AKAP6: variants seen among roughly 807,000 people sequenced by gnomAD.
AKAP6 encodes A-kinase anchoring protein 6.
Under a neutral mutation model 188.5 loss-of-function variants are expected in AKAP6, and 58 were observed. The observed-to-expected ratio is 0.31, with a 90% CI of 0.25 to 0.38. The LOEUF (loss-of-function observed/expected upper bound fraction) is 0.38. Among genes scored for constraint, AKAP6 ranks in the 10% least tolerant of loss-of-function variants. AKAP6 has a pLI of 1.00. For synonymous variants in AKAP6, 989 were observed against 998.6 expected, an observed-to-expected ratio of 0.99 and a Z score of 0.18; for missense variants, 2,710 against 2,740.0, an observed-to-expected ratio of 0.99 and a Z score of 0.24.
In AKAP6 at chr14:32,546,155, C is replaced by T; in HGVS notation, c.1502C>T (p.Thr501Ile). 6.2e-7 allele frequency: 1 copy of T among 1,613,994 alleles called. No homozygotes were observed. Among genetic ancestry groups the T allele is most frequent in the Non-Finnish European group, 8.5e-7 (1 of 1,180,010 alleles). ...TCTCGACTTAAAAAGCCACACAAGA[C>T]CTCAGAAGAGGTGCCTCCATGCCGA... is the stretch of plus-strand genomic sequence containing the variant. ...EKSRLKKPHK[T>I]SEEVPPCRTP... Residue 501 changes from threonine (T) to isoleucine (I), a missense_variant, in exon 4 of 14, where the codon ACC becomes ATC. Physicochemically the swap from Thr to Ile is moderately conservative, Grantham distance 89. Around this residue, in one of 2 missense-constraint regions of AKAP6, gnomAD observed 2,473 missense variants for 2,426.1 expected, o/e 1.02. Transcript: ENST00000280979.
intron 7 of AKAP6, among the ~76,000 whole-genome samples, chr14:32,657,962 G>A (rs1455500665): frequency 1.3e-5 from 2 of 152,000 alleles, no homozygotes; most frequent in African/African-American, 2.4e-5. Context: ...GTTGGTGGTC[G>A]CACACATGGT....
At chr14:32,591,008 G>A (rs996666396) in intron 5 of AKAP6, among the ~76,000 whole-genome samples, 3 of 152,202 alleles carry the variant, frequency 2.0e-5, no homozygotes, top group Admixed American at 6.5e-5. Flanking sequence ...GTCCTTCAGG[G>A]ATTGTCCTAA....
chr14:32,482,814 G>A (rs4981972), intron 2 of AKAP6, among the ~76,000 whole-genome samples: 99,475 of 152,006 alleles, frequency 0.65, 33,628 homozygotes, highest in East Asian at 0.89. Flanking sequence ...GTTTTCTACC[G>A]TATGTAAAAA....
intron 4 of AKAP6, among the ~76,000 whole-genome samples, chr14:32,555,393 C>T (rs891776406): frequency 6.6e-6 from 1 of 152,100 alleles, no homozygotes; most frequent in African/African-American, 2.4e-5. Context: ...TCCTAGCATT[C>T]ATACTGATGA....
intron 1 of AKAP6, among the ~76,000 whole-genome samples, chr14:32,348,836 G>C (rs986543787): frequency 6.6e-6 from 1 of 152,158 alleles, no homozygotes; most frequent in African/African-American, 2.4e-5. Flanking sequence ...ATAACTCCCT[G>C]AGAGGTGCCA....
At chr14:32,513,618 T>A (rs1348892916) in intron 2 of AKAP6, among the ~76,000 whole-genome samples, 1 of 152,236 alleles carries the variant, frequency 6.6e-6, no homozygotes, top group Non-Finnish European at 1.5e-5. Flanking sequence ...ATTCCCTGAC[T>A]GTTGTTTTGC....
rs2034041781 is a variant in AKAP6, at chr14:32,804,660, T to C, written c.3589-16742T>C. On this transcript the variant is annotated intron_variant, in intron 12 of 13. Coordinates refer to ENST00000280979, the MANE Select transcript of AKAP6 (RefSeq NM_004274.5). ...AGAGTTCGAGAGCAGAGAACCGGTC[T>C]GACCACAAATTTACCAGGGTGGAGT... Among the ~76,000 whole-genome samples, 4 of 152,186 alleles carry C rather than the reference T, an allele frequency of 2.6e-5. No individual in the cohort carries two copies. The South Asian group carries it at 8.3e-4, about 32-fold the overall frequency.
chr14:32,675,362 T>G (rs550723857), intron 7 of AKAP6, among the ~76,000 whole-genome samples: 37 of 152,212 alleles, frequency 2.4e-4, no homozygotes, highest in Admixed American at 9.8e-4. Flanking sequence ...TAAATATTAT[T>G]TAATCATGCT....
At position 32,732,441 on chromosome 14, in the gene AKAP6, C is replaced by G. The variant is rs1357211194; in HGVS notation, c.3001-13C>G. The stretch of plus-strand genomic sequence containing the variant: ...TCTCCCTAATGATATCTCTTTTTCT[C>G]TTTTCATTTTAGCGATACAGTGTGG... On this transcript the variant is annotated splice_polypyrimidine_tract_variant and intron_variant, in intron 9 of 13. Transcript: ENST00000280979. 10 of 1,603,320 alleles carry G rather than the reference C, an allele frequency of 6.2e-6. No homozygotes were observed. The Middle Eastern group carries it at 1.3e-3, about 214-fold the overall frequency.
chr14:32,599,541 C>G, intron 6 of AKAP6, 35 bp downstream of exon 6: 1 of 1,521,284 alleles, frequency 6.6e-7, no homozygotes, highest in Non-Finnish European at 9.1e-7. Flanking sequence ...GTCTTTACGT[C>G]TCCAGACTAT....
intron 9 of AKAP6, chr14:32,726,234 G>C (rs987143499): frequency 1.0e-6 from 1 of 975,298 alleles, no homozygotes; most frequent in Non-Finnish European, 1.2e-6. Flanking sequence ...TAGAAGTGAG[G>C]GGAAAAAATA....
At chr14:32,359,273 A>G (rs931829930) in intron 1 of AKAP6, among the ~76,000 whole-genome samples, 18 of 152,114 alleles carry the variant, frequency 1.2e-4, no homozygotes, top group Non-Finnish European at 2.6e-4. Context: ...AAAAATGAAC[A>G]TTTTCCTGTT....
chr14:32,830,472 T>C lies in AKAP6; in HGVS notation c.*667T>C, dbSNP rs1341787531. On this transcript the variant is annotated 3_prime_UTR_variant, in exon 14 of 14. Coordinates refer to ENST00000280979, the MANE Select transcript of AKAP6 (RefSeq NM_004274.5). ...ATTATAAACTGGTGACATTCTACTA[T>C]TGAATTATGTACAACATTTTCATTT... 2 of 152,732 alleles carry C rather than the reference T, an allele frequency of 1.3e-5. No individual in the cohort carries two copies. Among genetic ancestry groups the C allele is most frequent in the African/African-American group, 2.4e-5 (1 of 41,458 alleles). The allele number at this position is 152,732 out of a possible 1,614,324, so 9.5% of individuals were successfully genotyped here.
intron 1 of AKAP6, among the ~76,000 whole-genome samples, chr14:32,341,819 G>A (rs566716761): frequency 6.6e-6 from 1 of 152,146 alleles, no homozygotes; most frequent in African/African-American, 2.4e-5. Context: ...ACAGGAGTTC[G>A]AGACCAGCCT....
At chr14:32,582,601 T>C (rs1048341839) in intron 5 of AKAP6, among the ~76,000 whole-genome samples, 1 of 152,224 alleles carries the variant, frequency 6.6e-6, no homozygotes, top group African/African-American at 2.4e-5. Context: ...CTTGGTTCCA[T>C]TCTCCCTGTC....
In AKAP6 at chr14:32,545,686, C is replaced by T; in HGVS notation, c.1033C>T (p.Gln345Ter). 6.2e-7 allele frequency: 1 copy of T among 1,614,152 alleles called. No individual in the cohort carries two copies. Among genetic ancestry groups the T allele is most frequent in the Non-Finnish European group, 8.5e-7 (1 of 1,180,012 alleles). Reference protein sequence around the residue: ...NAAQPSSETVQQESSSSSHHD... With the variant: ...NAAQPSSETV ...TGCTCAACCCTCCTCTGAGACTGTG[C>T]AGCAAGAATCCAGTTCCTCCTCCCA... The change falls in exon 4 of 14, where the codon CAG becomes TAG. Residue 345 changes from glutamine to a stop codon, truncating the protein, a stop_gained. Coordinates refer to ENST00000280979, the MANE Select transcript of AKAP6 (RefSeq NM_004274.5). LOFTEE classifies it high-confidence loss of function.
At chr14:32,659,899 C>T (rs1303065595) in intron 7 of AKAP6, among the ~76,000 whole-genome samples, 5 of 151,956 alleles carry the variant, frequency 3.3e-5, no homozygotes, top group Admixed American at 6.6e-5. Context: ...TAGAGAATAA[C>T]AAACAAACAT....
intron 2 of AKAP6, among the ~76,000 whole-genome samples, chr14:32,501,275 T>G (rs980313334): frequency 2.6e-5 from 4 of 152,194 alleles, no homozygotes; most frequent in African/African-American, 9.6e-5. Context: ...CCAGTGTGTA[T>G]CTTATACTTA....
chr14:32,407,667 A>C (rs914285857), intron 1 of AKAP6, among the ~76,000 whole-genome samples: 21 of 152,104 alleles, frequency 1.4e-4, no homozygotes, highest in Non-Finnish European at 2.9e-5. Context: ...TTCAGTTCCT[A>C]GTGTTTTTCA....
Sources: gnomAD v4.1 joint callset for allele counts (sites outside exome capture counted in the v4.1 genomes callset) on GRCh38, gnomAD v4.1.1 for gene constraint, gnomAD v4.1.1 regional missense constraint, MANE v1.5 for transcripts, NCBI Gene and HGNC (gene_info 2026-07-23, HGNC 2026-07-21) for gene names.